CGNL1: variants seen among roughly 807,000 people sequenced by gnomAD.
CGNL1 encodes the protein cingulin-like protein 1.
CGNL1 carries 132 observed loss-of-function variants against 141.2 expected under a neutral mutation model. The observed-to-expected ratio is 0.93, with a 90% confidence interval of 0.81 to 1.08. The LOEUF (loss-of-function observed/expected upper bound fraction) is 1.08. Ranked by LOEUF, CGNL1 falls within the 50% of genes least tolerant of loss-of-function variation. CGNL1 has a pLI of 0.00. For synonymous variants in CGNL1, 690 were observed against 622.1 expected (o/e 1.11, Z -1.63); for missense variants, 1,870 against 1,588.6 (o/e 1.18, Z -3.01).
At chr15:57,398,610 C>G (rs553697106) in intron 1 of CGNL1, among the ~76,000 whole-genome samples, 1 of 152,098 alleles carries the variant, frequency 6.6e-6, no homozygotes, top group Admixed American at 6.5e-5. Context: ...CTCATGGCAG[C>G]GTGTTGTTTG....
At chr15:57,507,322 T>C (rs143879510) in intron 8 of CGNL1, among the ~76,000 whole-genome samples, 43 of 152,366 alleles carry the variant, frequency 2.8e-4, no homozygotes, top group African/African-American at 9.1e-4. Context: ...GTGTGTCAAA[T>C]GCATTCTGTG....
chr15:57,508,860 G>A (rs575126129), intron 8 of CGNL1, among the ~76,000 whole-genome samples: 365 of 152,346 alleles, frequency 2.4e-3, no homozygotes, highest in African/African-American at 8.5e-3. Context: ...CAGAATGAGC[G>A]TTTTAATGAG....
At chr15:57,455,523 C>G (rs956877238) in intron 7 of CGNL1, among the ~76,000 whole-genome samples, 2 of 152,206 alleles carry the variant, frequency 1.3e-5, no homozygotes, top group African/African-American at 4.8e-5. Flanking sequence ...TTTTAACTCA[C>G]TTGACGTTGC....
intron 1 of CGNL1, among the ~76,000 whole-genome samples, chr15:57,397,909 A>G (rs1294784728): frequency 6.6e-6 from 1 of 151,818 alleles, no homozygotes; most frequent in African/African-American, 2.4e-5. Flanking sequence ...CAGCCTCCCG[A>G]GTAGCTGGGA....
At position 57,550,355 on chromosome 15, in the gene CGNL1, G is replaced by A. The variant is rs745593397; in HGVS notation, c.*2865G>A. On this transcript the variant is annotated 3_prime_UTR_variant, in exon 19 of 19. Coordinates refer to ENST00000281282, the MANE Select transcript of CGNL1 (RefSeq NM_032866.5). ...TCCTTTCCAGGTATAACATGCTATC[G>A]TTCTTTAATTTTATTATATATACAT... The A allele has an allele frequency of 2.0e-5, 3 of 152,552 alleles. No homozygotes were observed. The highest frequency in any genetic ancestry group is 2.9e-5 in the Non-Finnish European group (2 of 68,030). The allele number at this position is 152,552 out of a possible 1,614,324, so 9.4% of individuals were successfully genotyped here.
intron 14 of CGNL1, among the ~76,000 whole-genome samples, chr15:57,537,836 TTC>T (rs2032345226): frequency 6.6e-6 from 1 of 152,256 alleles, no homozygotes; most frequent in African/African-American, 2.4e-5. Context: ...TCAGCTCCTG[TTC>T]TGTTTTTAAT....
At chr15:57,480,035 G>A (rs1210834037) in intron 8 of CGNL1, among the ~76,000 whole-genome samples, 1 of 152,200 alleles carries the variant, frequency 6.6e-6, no homozygotes, top group Non-Finnish European at 1.5e-5. Context: ...TTATCCCAAA[G>A]AGCTGTGGCA....
At chr15:57,480,742 G>A (rs2063714939) in intron 8 of CGNL1, among the ~76,000 whole-genome samples, 1 of 152,040 alleles carries the variant, frequency 6.6e-6, no homozygotes, top group African/African-American at 2.4e-5. Flanking sequence ...AAAAAAAATT[G>A]TATGCTCTGG....
chr15:57,387,743 G>C (rs929354491), intron 1 of CGNL1, among the ~76,000 whole-genome samples: 2 of 152,240 alleles, frequency 1.3e-5, no homozygotes, highest in Non-Finnish European at 2.9e-5. Context: ...GCATTCTTGG[G>C]AAGTGTTTAC....
chr15:57,438,322 A>G lies in CGNL1; in HGVS notation c.323A>G (p.Tyr108Cys). 1 of 1,614,074 alleles carries G rather than the reference A, an allele frequency of 6.2e-7. No individual in the cohort carries two copies. Among genetic ancestry groups the G allele is most frequent in the Admixed American group, 1.7e-5 (1 of 60,012 alleles). Reference protein sequence around the residue: ...SEELQLPENPYAQPSPIRNLK... With the variant: ...SEELQLPENPCAQPSPIRNLK... ...GAACTTCAGCTTCCAGAAAACCCATACGCCCAGCCTAGCCCAATAAGAAAC... is the reference window on the plus strand; with the variant it reads ...GAACTTCAGCTTCCAGAAAACCCATGCGCCCAGCCTAGCCCAATAAGAAAC... Residue 108 changes from tyrosine to cysteine, a missense_variant, in exon 2 of 19, where the codon TAC becomes TGC. Coordinates refer to ENST00000281282, the MANE Select transcript of CGNL1 (RefSeq NM_032866.5).
chr15:57,406,421 T>C (rs1444815835), intron 1 of CGNL1, among the ~76,000 whole-genome samples: 1 of 152,180 alleles, frequency 6.6e-6, no homozygotes, highest in Non-Finnish European at 1.5e-5. Context: ...TTCTGAACTT[T>C]ACAGGCTGGC....
intron 8 of CGNL1, among the ~76,000 whole-genome samples, chr15:57,469,878 T>G (rs1227608270): frequency 6.6e-6 from 1 of 152,224 alleles, no homozygotes; most frequent in Non-Finnish European, 1.5e-5. Flanking sequence ...GAAGAGGTTC[T>G]TCCAAAGCAT....
chr15:57,423,894 T>C (rs2062944307), intron 1 of CGNL1, among the ~76,000 whole-genome samples: 1 of 152,246 alleles, frequency 6.6e-6, no homozygotes, highest in South Asian at 2.1e-4. Context: ...TGCCAGGCGA[T>C]GCTGTTGCTG....
intron 18 of CGNL1, among the ~76,000 whole-genome samples, chr15:57,546,837 T>C (rs2032896765): frequency 6.6e-6 from 1 of 152,096 alleles, no homozygotes; most frequent in African/African-American, 2.4e-5. Flanking sequence ...AGGCTGGCTG[T>C]GACGTGGGGC....
chr15:57,464,645 T>C (rs187280770), intron 8 of CGNL1, among the ~76,000 whole-genome samples: 1 of 151,686 alleles, frequency 6.6e-6, no homozygotes, highest in Non-Finnish European at 1.5e-5. Context: ...TTCTGTGCCT[T>C]GCTTTTGAAT....
intron 1 of CGNL1, among the ~76,000 whole-genome samples, chr15:57,417,535 A>G (rs756058133): frequency 1.3e-5 from 2 of 151,242 alleles, no homozygotes; most frequent in Non-Finnish European, 2.9e-5. Context: ...CACCCAGCCT[A>G]TTGTGCCATT....
rs190150815 is a variant in CGNL1 at position 57,547,398 on chromosome 15, G to C, written c.3817G>C (p.Asp1273His). 1.2e-6 allele frequency: 2 copies of C among 1,614,084 alleles called. No homozygotes were observed. The highest frequency in any genetic ancestry group is 1.3e-5 in the African/African-American group (1 of 74,940). ...TAAAGTGCTGGATGACATGGATGAC[G>C]ACGATGACCTCAGCACGGATGGGGG... is the stretch of plus-strand genomic sequence containing the variant. ...PSKVLDDMDD[D>H]DDLSTDGGSL... The change falls in exon 19 of 19, where the codon GAC (aspartate) becomes CAC (histidine). Residue 1273 changes from aspartate to histidine, a missense_variant. Coordinates refer to ENST00000281282, the MANE Select transcript of CGNL1 (RefSeq NM_032866.5).
chr15:57,542,428 C>T (rs2032618285), intron 14 of CGNL1, among the ~76,000 whole-genome samples: 1 of 152,294 alleles, frequency 6.6e-6, no homozygotes, highest in South Asian at 2.1e-4. Context: ...GGAGCCTCCG[C>T]CTCATAACTC....
At position 57,453,709 on chromosome 15, in the gene CGNL1, A is replaced by G; in HGVS notation, c.2081A>G (p.Glu694Gly). 6.2e-7 allele frequency: 1 copy of G among 1,613,932 alleles called. No individual in the cohort carries two copies. The highest frequency in any genetic ancestry group is 8.5e-7 in the Non-Finnish European group (1 of 1,179,916). Residue 694 changes from glutamate (E) to glycine (G), a missense_variant, in exon 7 of 19, where the codon GAG becomes GGG. By Grantham distance (98) the Glu-to-Gly change is moderately conservative. Transcript: ENST00000281282. ...CTATTCCAGGTGAAGATGGAACGGGAGCAGCATCAGACTGAGATCAGGGAT... is the reference window on the plus strand; with the variant it reads ...CTATTCCAGGTGAAGATGGAACGGGGGCAGCATCAGACTGAGATCAGGGAT... ...EELFQVKMER[E>G]QHQTEIRDLQ...
Sources: allele counts gnomAD v4.1 joint callset (sites outside exome capture counted in the v4.1 genomes callset), GRCh38; gene constraint gnomAD v4.1.1; transcripts MANE v1.5; gene names NCBI Gene and HGNC (gene_info 2026-07-23, HGNC 2026-07-21).